Variants in SMARCAD1 observed in about 807,000 individuals in gnomAD.
SMARCAD1 encodes the protein SNF2 related chromatin remodeling ATPase with DExD box 1.
In SMARCAD1, 25 loss-of-function variants were observed where a neutral mutation model predicts 127.1. The ratio of observed to expected loss-of-function variants is 0.20; its 90% CI spans 0.14 to 0.27. The LOEUF (loss-of-function observed/expected upper bound fraction) is 0.27, where lower values mean the gene tolerates loss of function less well. SMARCAD1 is among the 10% of genes least tolerant of loss of function. The probability of loss-of-function intolerance (pLI) is 1.00; values close to 1 mark genes in which losing one functional copy is unlikely to be tolerated. For synonymous variants in SMARCAD1, 400 were observed against 396.9 expected, an observed-to-expected ratio of 1.01 and a Z score of -0.09; for missense variants, 807 against 1,206.0, an observed-to-expected ratio of 0.67 and a Z score of 4.90.
chr4:94,211,580 A>G (rs892714945), intron 2 of SMARCAD1, among the ~76,000 whole-genome samples: 2 of 152,170 alleles, frequency 1.3e-5, no homozygotes, highest in African/African-American at 4.8e-5. Context: ...AGCTTACAGG[A>G]CAGAAATTGT....
Position 94,290,123 on chromosome 4 carries a change from A to G in SMARCAD1, c.*589A>G, listed in dbSNP as rs1235053734. 1 of 454,504 alleles carries G rather than the reference A, an allele frequency of 2.2e-6. No homozygotes were observed. Among genetic ancestry groups the G allele is most frequent in the Admixed American group, 2.3e-5 (1 of 42,568 alleles). 28.2% of individuals were successfully genotyped at this position (454,504 alleles called of 1,614,324 possible). A position where few individuals can be genotyped will look rare whatever the true frequency, so the allele number is the denominator to read the frequency against. Reference sequence around the variant, plus strand: ...ATACTAACATCCCCCAGGTCCTCTCAAGTACTTCTGCTGAAACAAATTTAT... The same window carrying G: ...ATACTAACATCCCCCAGGTCCTCTCGAGTACTTCTGCTGAAACAAATTTAT... On this transcript the variant is annotated 3_prime_UTR_variant, in exon 24 of 24. Coordinates refer to ENST00000354268, the MANE Select transcript of SMARCAD1 (RefSeq NM_020159.5).
In SMARCAD1 at chr4:94,250,889, T is replaced by C. The variant is rs964736502; in HGVS notation, c.889+56T>C. 2.9e-6 allele frequency: 4 copies of C among 1,366,148 alleles called. No individual in the cohort carries two copies. The African/African-American group carries it at 4.3e-5, about 15-fold the overall frequency. 84.6% of individuals were successfully genotyped at this position (1,366,148 alleles called of 1,614,324 possible). A position where few individuals can be genotyped will look rare whatever the true frequency, so the allele number is the denominator to read the frequency against. ...CTTCTCATTATAGTCTGTATTTTAGTATATAAGAAAATGGTATATAAGAAA... is the reference window on the plus strand; with the variant it reads ...CTTCTCATTATAGTCTGTATTTTAGCATATAAGAAAATGGTATATAAGAAA... On this transcript the variant is annotated intron_variant, in intron 8 of 23. Coordinates refer to ENST00000354268, the MANE Select transcript of SMARCAD1 (RefSeq NM_020159.5).
chr4:94,219,415 C>T (rs184906182), intron 2 of SMARCAD1, among the ~76,000 whole-genome samples: 3 of 152,056 alleles, frequency 2.0e-5, no homozygotes, highest in Non-Finnish European at 4.4e-5. Flanking sequence ...TAATCTCCTA[C>T]TAGTGATTTT....
chr4:94,217,188 A>G (rs1175533933), intron 2 of SMARCAD1, among the ~76,000 whole-genome samples: 2 of 152,054 alleles, frequency 1.3e-5, no homozygotes, highest in Non-Finnish European at 2.9e-5. Context: ...TCTCCTCTGA[A>G]TTTTATTTCA....
chr4:94,289,004 G>A (rs1182025383), intron 23 of SMARCAD1, among the ~76,000 whole-genome samples: 1 of 152,134 alleles, frequency 6.6e-6, no homozygotes, highest in African/African-American at 2.4e-5. Context: ...CTGGTATGCT[G>A]TGCTCAGAAT....
At chr4:94,236,252 A>C (rs904517850) in intron 4 of SMARCAD1, among the ~76,000 whole-genome samples, 1 of 152,194 alleles carries the variant, frequency 6.6e-6, no homozygotes, top group East Asian at 1.9e-4. Flanking sequence ...GATCTTTTTA[A>C]AACAAGTAAC....
intron 7 of SMARCAD1, among the ~76,000 whole-genome samples, chr4:94,250,195 A>T (rs1456050012): frequency 6.7e-6 from 1 of 149,436 alleles, no homozygotes; most frequent in Non-Finnish European, 1.5e-5. Context: ...CAGAGTCATT[A>T]AAAAAAAAGA....
intron 10 of SMARCAD1, among the ~76,000 whole-genome samples, chr4:94,266,642 C>T (rs1277420654): frequency 3.3e-5 from 5 of 152,056 alleles, no homozygotes; most frequent in Admixed American, 2.6e-4. Context: ...AGTATGTAGA[C>T]ATTTAAAGTT....
intron 21 of SMARCAD1, among the ~76,000 whole-genome samples, chr4:94,282,354 C>T (rs1754224635): frequency 1.3e-5 from 2 of 151,598 alleles, no homozygotes; most frequent in South Asian, 2.1e-4. Context: ...CCTCGGCCTC[C>T]CAAAGTGCTG....
intron 22 of SMARCAD1, 84 bp from the exon 23 acceptor site, chr4:94,284,876 C>CT: frequency 1.2e-6 from 1 of 858,382 alleles, no homozygotes. Context: ...TCAAAGTATT[C>CT]TTTTTGAACT....
intron 22 of SMARCAD1, among the ~76,000 whole-genome samples, chr4:94,283,805 G>T (rs184269545): frequency 6.6e-6 from 1 of 151,968 alleles, no homozygotes; most frequent in Non-Finnish European, 1.5e-5. Flanking sequence ...CAGCCTGGGC[G>T]ACAGAGCAAG....
intron 11 of SMARCAD1, among the ~76,000 whole-genome samples, chr4:94,271,025 CTGAT>C (rs1752473211): frequency 6.6e-6 from 1 of 152,096 alleles, no homozygotes; most frequent in Non-Finnish European, 1.5e-5. Flanking sequence ...TATTGTCTTT[CTGAT>C]TATCAGATTA....
At chr4:94,218,896 C>T (rs550361803) in intron 2 of SMARCAD1, among the ~76,000 whole-genome samples, 13 of 152,266 alleles carry the variant, frequency 8.5e-5, no homozygotes, top group African/African-American at 3.1e-4. Context: ...ACTGCAACCT[C>T]TGTCTCCTGG....
chr4:94,214,923 C>T (rs1364000503), intron 2 of SMARCAD1, among the ~76,000 whole-genome samples: 6 of 151,930 alleles, frequency 3.9e-5, no homozygotes, highest in Non-Finnish European at 7.4e-5. Context: ...CTATACCAGT[C>T]GTCAGAAAGA....
chr4:94,222,968 A>T (rs564206057), intron 2 of SMARCAD1, among the ~76,000 whole-genome samples: 1 of 151,494 alleles, frequency 6.6e-6, no homozygotes, highest in Non-Finnish European at 1.5e-5. Context: ...TGTCTCAAAA[A>T]AAATAAATAA....
At chr4:94,216,436 T>A (rs1390205998) in intron 2 of SMARCAD1, among the ~76,000 whole-genome samples, 1 of 152,230 alleles carries the variant, frequency 6.6e-6, no homozygotes, top group Non-Finnish European at 1.5e-5. Flanking sequence ...TCCTCTAGTA[T>A]GTCTGTTAAT....
chr4:94,208,333 T>A lies in SMARCAD1; in HGVS notation c.-49-13T>A. 1 of 1,550,042 alleles carries A rather than the reference T, an allele frequency of 6.5e-7. No individual in the cohort carries two copies. The highest frequency in any genetic ancestry group is 8.9e-7 in the Non-Finnish European group (1 of 1,123,222). Reference sequence around the variant, plus strand: ...TCATGGCCTTTTTTCCTCTCTTTATTTTTCCCCTGCAGATAGTTCATTTAA... The same window carrying A: ...TCATGGCCTTTTTTCCTCTCTTTATATTTCCCCTGCAGATAGTTCATTTAA... On this transcript the variant is annotated splice_polypyrimidine_tract_variant and intron_variant, in intron 1 of 23. Coordinates refer to ENST00000354268, the MANE Select transcript of SMARCAD1 (RefSeq NM_020159.5).
chr4:94,256,494 C>A (rs1468073738), intron 9 of SMARCAD1, among the ~76,000 whole-genome samples: 1 of 152,166 alleles, frequency 6.6e-6, no homozygotes, highest in East Asian at 1.9e-4. Context: ...TCCCTAGTAG[C>A]TGGGATTACA....
At chr4:94,273,340 A>G (rs1300722522) in intron 11 of SMARCAD1, among the ~76,000 whole-genome samples, 1 of 152,216 alleles carries the variant, frequency 6.6e-6, no homozygotes, top group Non-Finnish European at 1.5e-5. Flanking sequence ...TATCCTTTCC[A>G]TGCAATGCAA....
Sources: allele counts gnomAD v4.1 joint callset (sites outside exome capture counted in the v4.1 genomes callset), GRCh38; gene constraint gnomAD v4.1.1; transcripts MANE v1.5; gene names NCBI Gene and HGNC (gene_info 2026-07-23, HGNC 2026-07-21).